GRIP2: variants seen among roughly 807,000 people sequenced by gnomAD.
GRIP2 encodes the protein glutamate receptor interacting protein 2.
In GRIP2, 58 loss-of-function variants were observed where a neutral mutation model predicts 108.3. That is an observed-to-expected ratio of 0.54 (90% confidence interval 0.43 to 0.67). The LOEUF (loss-of-function observed/expected upper bound fraction) is 0.67, where lower values mean the gene tolerates loss of function less well. GRIP2 is among the 30% of genes least tolerant of loss of function. The pLI is 0.00. For synonymous variants in GRIP2, 586 were observed against 598.2 expected, an observed-to-expected ratio of 0.98 and a Z score of 0.30; for missense variants, 1,278 against 1,430.6, an observed-to-expected ratio of 0.89 and a Z score of 1.72.
In GRIP2 at chr3:14,499,247, A is replaced by G. The variant is rs573807114; in HGVS notation, c.2680-2687T>C. On this transcript the variant is annotated intron_variant, in intron 21 of 23. Transcript: ENST00000621039. ...GAAGTTCAAAGGCCACAGCCAAGAC[A>G]AAGTGAGGAGCGATCTCACTGATGC... Among the ~76,000 whole-genome samples the G allele has an allele frequency of 1.5e-4, 23 of 152,364 alleles. 1 individual carries two copies. Among genetic ancestry groups the G allele is most frequent in the African/African-American group, 5.5e-4 (23 of 41,580 alleles).
At chr3:14,590,030 T>C in the GRIP2 span, among the ~76,000 whole-genome samples, 1 of 152,152 alleles carries the variant, frequency 6.6e-6, no homozygotes, top group African/African-American at 2.4e-5. Context: ...TAGGTTCAAG[T>C]GATCCTCCTG....
intron 7 of GRIP2, 126 bp from the exon 8 acceptor site, chr3:14,520,663 A>G: frequency 1.1e-6 from 1 of 895,856 alleles, no homozygotes; most frequent in Non-Finnish European, 1.7e-6. Context: ...TGATTAACAT[A>G]ATTTTTTATT....
At chr3:14,574,192 A>G in the GRIP2 span, 28 of 877,176 alleles carry the variant, frequency 3.2e-5, no homozygotes, top group Admixed American at 4.6e-4. Flanking sequence ...AAGGTGAGCC[A>G]GTGGGTGAAG....
the GRIP2 span, among the ~76,000 whole-genome samples, chr3:14,596,825 C>T: frequency 1.8e-4 from 28 of 151,944 alleles, no homozygotes; most frequent in African/African-American, 6.8e-4. Flanking sequence ...ACTGCAGCTT[C>T]AACCTCCCAG....
chr3:14,586,443 G>C, the GRIP2 span, among the ~76,000 whole-genome samples: 4 of 152,208 alleles, frequency 2.6e-5, no homozygotes, highest in Non-Finnish European at 5.9e-5. Context: ...GGGTGCCAGG[G>C]CCAGGAGGCA....
the GRIP2 span, among the ~76,000 whole-genome samples, chr3:14,580,312 A>C: frequency 6.6e-6 from 1 of 152,206 alleles, no homozygotes; most frequent in Non-Finnish European, 1.5e-5. Flanking sequence ...TTCCAGCCTC[A>C]GGTAGGAAGG....
intron 1 of GRIP2, among the ~76,000 whole-genome samples, chr3:14,537,226 ACT>A (rs1276646681): frequency 6.6e-6 from 1 of 151,190 alleles, no homozygotes; most frequent in East Asian, 1.9e-4. Flanking sequence ...TGCCCACAAA[ACT>A]CTTCCCCAGA....
intron 7 of GRIP2, chr3:14,520,822 C>A: frequency 2.2e-6 from 1 of 452,374 alleles, no homozygotes; most frequent in Non-Finnish European, 4.0e-6. Context: ...TTATGAAGAG[C>A]CTGTGGTATA....
At chr3:14,574,069 T>C in the GRIP2 span, 30 of 1,490,122 alleles carry the variant, frequency 2.0e-5, no homozygotes, top group South Asian at 3.1e-4. Context: ...TACTTGACGT[T>C]CTCGTAGACC....
upstream of GRIP2, among the ~76,000 whole-genome samples, chr3:14,543,162 C>T (rs1366146456): frequency 6.6e-6 from 1 of 152,218 alleles, no homozygotes; most frequent in Admixed American, 6.5e-5. Flanking sequence ...AACAGAGATA[C>T]AGCCAGGCCT....
At chr3:14,556,546 T>C (rs1306562192), upstream of GRIP2, among the ~76,000 whole-genome samples, 1 of 152,128 alleles carries the variant, frequency 6.6e-6, no homozygotes, top group Admixed American at 6.5e-5. Context: ...TTGTCCTGTG[T>C]CCCCAGCAGG....
chr3:14,547,397 G>A (rs1265362669), intron 1 of GRIP2, among the ~76,000 whole-genome samples: 1 of 152,220 alleles, frequency 6.6e-6, no homozygotes, highest in Non-Finnish European at 1.5e-5. Context: ...GCATGAAGGA[G>A]AAGAAATAAG....
chr3:14,586,605 T>C, the GRIP2 span, among the ~76,000 whole-genome samples: 1 of 152,140 alleles, frequency 6.6e-6, no homozygotes, highest in Non-Finnish European at 1.5e-5. Flanking sequence ...GAGGGATAAA[T>C]GGCCTAGAAC....
chr3:14,503,588 G>A lies in GRIP2; in HGVS notation c.2657C>T (p.Ser886Leu). ...TACCTCCAGTTCCCTCAGCAGCTCTGACTGACCACATGACTCCAGGTCTTC... is the reference window on the plus strand; with the variant it reads ...TACCTCCAGTTCCCTCAGCAGCTCTAACTGACCACATGACTCCAGGTCTTC... ...ALEDLESCGQ[S>L]ELLRELEASI... The change falls in exon 21 of 24, where the codon TCA (serine) becomes TTA (leucine). Residue 886 changes from serine to leucine, a missense_variant. Coordinates refer to ENST00000621039, the MANE Select transcript of GRIP2 (RefSeq NM_001080423.4). The A allele has an allele frequency of 6.2e-7, 1 of 1,610,988 alleles. No individual in the cohort carries two copies. The highest frequency in any genetic ancestry group is 1.1e-5 in the South Asian group (1 of 90,136).
intron 1 of GRIP2, among the ~76,000 whole-genome samples, chr3:14,526,788 A>G (rs926422846): frequency 6.6e-6 from 1 of 152,196 alleles, no homozygotes; most frequent in African/African-American, 2.4e-5. Flanking sequence ...TTGAGTTAGT[A>G]GAAAATCTTT....
chr3:14,566,922 A>G, the GRIP2 span, among the ~76,000 whole-genome samples: 2 of 152,230 alleles, frequency 1.3e-5, no homozygotes, highest in East Asian at 1.9e-4. Flanking sequence ...GTGGGGTCCA[A>G]TAATCAAAGG....
chr3:14,493,862 T>C (rs1417190315), intron 23 of GRIP2, 36 bp from the exon 24 acceptor site: 1 of 1,589,640 alleles, frequency 6.3e-7, no homozygotes, highest in African/African-American at 1.3e-5. Flanking sequence ...AGAACCGAGA[T>C]GTCAGCCCTG....
chr3:14,506,998 T>C lies in GRIP2; in HGVS notation c.2219-18A>G, dbSNP rs1291762470. The C allele has an allele frequency of 1.3e-6, 2 of 1,575,052 alleles. No homozygotes were observed. The highest frequency in any genetic ancestry group is 1.7e-6 in the Non-Finnish European group (2 of 1,159,284). On this transcript the variant is annotated intron_variant, in intron 18 of 23. Transcript: ENST00000621039. ...GAGGGGACCTGGGAGGAGAGAGGGG[T>C]GTCAATTCTGACTTCAGAGACACTC...
rs371142051 is a variant in GRIP2 at position 14,525,417 on chromosome 3, G to A, written c.257+20C>T. The stretch of plus-strand genomic sequence containing the variant: ...GCCTCTGCACCCCCCTCCTGCGGCC[G>A]TGCCAAGCCCACTTCTCACCTGGCT... On this transcript the variant is annotated intron_variant, in intron 3 of 23. Coordinates refer to ENST00000621039, the MANE Select transcript of GRIP2 (RefSeq NM_001080423.4). The A allele has an allele frequency of 8.8e-6, 14 of 1,594,380 alleles. No homozygotes were observed. Among genetic ancestry groups the A allele is most frequent in the East Asian group, 2.3e-5 (1 of 43,646 alleles).
Sources: allele counts gnomAD v4.1 joint callset (sites outside exome capture counted in the v4.1 genomes callset), GRCh38; gene constraint gnomAD v4.1.1; transcripts MANE v1.5; gene names NCBI Gene and HGNC (gene_info 2026-07-23, HGNC 2026-07-21).